Variants in RASEF observed in about 807,000 individuals in gnomAD.
The protein encoded by RASEF is ras and EF-hand domain-containing protein.
In RASEF, 68 loss-of-function variants were observed where a neutral mutation model predicts 90.1. The observed-to-expected ratio is 0.75, with a 90% CI of 0.62 to 0.92. RASEF has a LOEUF of 0.92. Among genes scored for constraint, RASEF ranks in the 40% least tolerant of loss-of-function variants. The pLI, the probability that RASEF is intolerant of heterozygous loss-of-function variation, is 0.00. For missense variants in RASEF, 949 were observed against 937.2 expected (o/e 1.01, Z -0.16); for synonymous variants, 331 against 345.2 (o/e 0.96, Z 0.46).
At chr9:83,135,756 C>T in the RASEF span, among the ~76,000 whole-genome samples, 1 of 152,146 alleles carries the variant, frequency 6.6e-6, no homozygotes, top group Non-Finnish European at 1.5e-5. Context: ...GCTCTGTATG[C>T]AGGGAACCAA....
chr9:82,991,626 T>C (rs1465498807), intron 15 of RASEF, among the ~76,000 whole-genome samples: 1 of 152,186 alleles, frequency 6.6e-6, no homozygotes, highest in East Asian at 1.9e-4. Context: ...ATAGAAAATC[T>C]GCAAACACCA....
In RASEF at chr9:83,063,004, A is replaced by G. The variant is rs2117934517; in HGVS notation, c.-137T>C. The G allele has an allele frequency of 1.0e-6, 1 of 956,100 alleles. No homozygotes were observed. Among genetic ancestry groups the G allele is most frequent in the Non-Finnish European group, 1.4e-6 (1 of 699,380 alleles). The allele number at this position is 956,100 out of a possible 1,614,324, so 59.2% of individuals were successfully genotyped here. A position where few individuals can be genotyped will look rare whatever the true frequency, so the allele number is the denominator to read the frequency against. On this transcript the variant is annotated 5_prime_UTR_variant, in exon 1 of 17. Coordinates refer to ENST00000376447, the MANE Select transcript of RASEF (RefSeq NM_152573.4). ...TCCGGCTGGTTCGGCCACTTGAGGG[A>G]ACGTCGGGCGGGGCGAGGAACGTCG... is the stretch of plus-strand genomic sequence containing the variant.
chr9:83,010,670 G>C (rs1829223547), intron 5 of RASEF, among the ~76,000 whole-genome samples: 1 of 152,186 alleles, frequency 6.6e-6, no homozygotes, highest in South Asian at 2.1e-4. Flanking sequence ...GGATTCTGAA[G>C]ACAAGGCAGA....
At chr9:83,080,707 CAG>C in the RASEF span, among the ~76,000 whole-genome samples, 1 of 152,018 alleles carries the variant, frequency 6.6e-6, no homozygotes, top group Non-Finnish European at 1.5e-5. Context: ...CTGTTAATAA[CAG>C]AAAAATTTCA....
the RASEF span, among the ~76,000 whole-genome samples, chr9:83,132,460 A>G: frequency 3.2e-3 from 486 of 152,290 alleles, 4 homozygotes; most frequent in Non-Finnish European, 5.4e-3. Context: ...CACCCAGGTG[A>G]ATCCTTCCCA....
chr9:83,136,558 C>A, the RASEF span, among the ~76,000 whole-genome samples: 1 of 152,114 alleles, frequency 6.6e-6, no homozygotes, highest in Non-Finnish European at 1.5e-5. Flanking sequence ...TAAAGACCCA[C>A]TGCAAGAAAT....
intron 1 of RASEF, chr9:83,055,315 C>A (rs578148993): frequency 2.7e-6 from 1 of 377,116 alleles, no homozygotes; most frequent in African/African-American, 2.2e-5. Context: ...TTTCCAGGTG[C>A]GTCCGTCACC....
At chr9:83,131,548 T>C in the RASEF span, among the ~76,000 whole-genome samples, 1 of 152,320 alleles carries the variant, frequency 6.6e-6, no homozygotes, top group African/African-American at 2.4e-5. Context: ...GTGGCTATAC[T>C]ACCAAGAAGC....
chr9:83,030,723 G>T lies in RASEF; in HGVS notation c.432-4802C>A, dbSNP rs1292649032. On this transcript the variant is annotated intron_variant, in intron 1 of 16. Coordinates refer to ENST00000376447, the MANE Select transcript of RASEF (RefSeq NM_152573.4). ...TCTGATTCCCCAGAACCCTTGGCTG[G>T]TAGGTTGGAGTCATGTGACTAGTTC... Among the ~76,000 whole-genome samples the T allele has an allele frequency of 4.6e-5, 7 of 152,328 alleles. 1 individual carries two copies. Among genetic ancestry groups the T allele is most frequent in the Admixed American group, 4.6e-4 (7 of 15,304 alleles).
chr9:83,126,768 C>T, the RASEF span, among the ~76,000 whole-genome samples: 19 of 152,138 alleles, frequency 1.2e-4, no homozygotes, highest in East Asian at 5.8e-4. Context: ...GCATCATGTG[C>T]GATATATTTT....
the RASEF span, among the ~76,000 whole-genome samples, chr9:83,105,443 C>T: frequency 6.6e-6 from 1 of 152,144 alleles, no homozygotes; most frequent in African/African-American, 2.4e-5. Context: ...CACTGAGAAT[C>T]GACACAATGT....
At chr9:83,186,737 G>A in the RASEF span, among the ~76,000 whole-genome samples, 1 of 151,822 alleles carries the variant, frequency 6.6e-6, no homozygotes, top group African/African-American at 2.4e-5. Flanking sequence ...TCATTGGATG[G>A]GAAATGACTT....
intron 1 of RASEF, among the ~76,000 whole-genome samples, chr9:83,062,125 GGC>G (rs1328410648): frequency 2.0e-5 from 3 of 152,180 alleles, no homozygotes; most frequent in Non-Finnish European, 2.9e-5. Flanking sequence ...GGTGAGATGT[GGC>G]GCGCGCGCCT....
At chr9:83,085,454 C>A in the RASEF span, among the ~76,000 whole-genome samples, 8 of 151,242 alleles carry the variant, frequency 5.3e-5, no homozygotes, top group African/African-American at 1.7e-4. Flanking sequence ...GGCAACATGG[C>A]AAAACCCTAT....
the RASEF span, among the ~76,000 whole-genome samples, chr9:83,078,065 T>C: frequency 6.6e-6 from 1 of 152,200 alleles, no homozygotes; most frequent in Non-Finnish European, 1.5e-5. Context: ...GGCAGCAGCA[T>C]CATCACCACC....
the RASEF span, among the ~76,000 whole-genome samples, chr9:83,081,961 C>CA: frequency 2.0e-5 from 3 of 152,104 alleles, no homozygotes; most frequent in Non-Finnish European, 4.4e-5. Context: ...AGGCATAAAT[C>CA]AGATAATCCT....
the RASEF span, among the ~76,000 whole-genome samples, chr9:83,129,912 T>C: frequency 6.6e-6 from 1 of 152,220 alleles, no homozygotes; most frequent in South Asian, 2.1e-4. Flanking sequence ...CTAAGGTACA[T>C]AATAGATTTT....
At chr9:83,109,237 A>G in the RASEF span, among the ~76,000 whole-genome samples, 1 of 152,208 alleles carries the variant, frequency 6.6e-6, no homozygotes, top group Non-Finnish European at 1.5e-5. Context: ...ATGAGTAATA[A>G]AGAAATGGAT....
At chr9:83,003,715 G>A (rs1366464641) in intron 9 of RASEF, among the ~76,000 whole-genome samples, 1 of 152,054 alleles carries the variant, frequency 6.6e-6, no homozygotes, top group Admixed American at 6.5e-5. Context: ...CTAACACCAG[G>A]ATGTTAAGTA....
Sources: allele counts gnomAD v4.1 joint callset (sites outside exome capture counted in the v4.1 genomes callset), GRCh38; gene constraint gnomAD v4.1.1; transcripts MANE v1.5; gene names NCBI Gene and HGNC (gene_info 2026-07-23, HGNC 2026-07-21).